CDH18: variants seen among roughly 807,000 people sequenced by gnomAD.
The protein encoded by CDH18 is cadherin 18.
In CDH18, 31 loss-of-function variants were observed where a neutral mutation model predicts 67.9. The observed-to-expected ratio is 0.46, with a 90% CI of 0.34 to 0.62. The LOEUF (loss-of-function observed/expected upper bound fraction) is 0.62, where lower values mean the gene tolerates loss of function less well. Ranked by LOEUF, CDH18 falls within the 20% of genes least tolerant of loss-of-function variation. The pLI, the probability that CDH18 is intolerant of heterozygous loss-of-function variation, is 0.01. For synonymous variants in CDH18, 362 were observed against 347.2 expected (o/e 1.04, Z -0.48); for missense variants, 890 against 975.5 (o/e 0.91, Z 1.17).
At chr5:19,976,679 G>T (rs1231133239) in intron 2 of CDH18, among the ~76,000 whole-genome samples, 1 of 151,942 alleles carries the variant, frequency 6.6e-6, no homozygotes, top group Non-Finnish European at 1.5e-5. Context: ...AGTGACAGAG[G>T]AAAGAAATAA....
At chr5:20,231,672 C>T (rs1742090601) in intron 2 of CDH18, among the ~76,000 whole-genome samples, 1 of 151,782 alleles carries the variant, frequency 6.6e-6, no homozygotes, top group Non-Finnish European at 1.5e-5. Context: ...TGGATAATAT[C>T]ATCGTTTTAC....
chr5:19,979,272 G>C (rs942567887), intron 2 of CDH18, among the ~76,000 whole-genome samples: 3 of 151,352 alleles, frequency 2.0e-5, no homozygotes, highest in African/African-American at 7.3e-5. Context: ...TCTTGGGATA[G>C]TTGTATGAAG....
At chr5:20,032,234 C>T (rs982563116) in intron 2 of CDH18, among the ~76,000 whole-genome samples, 1 of 150,152 alleles carries the variant, frequency 6.7e-6, no homozygotes, top group African/African-American at 2.4e-5. Flanking sequence ...CATATATGTG[C>T]ATGTATATAT....
At chr5:20,519,297 A>T (rs1207639000) in intron 1 of CDH18, among the ~76,000 whole-genome samples, 1 of 152,210 alleles carries the variant, frequency 6.6e-6, no homozygotes, top group African/African-American at 2.4e-5. Flanking sequence ...GCCATAAAAA[A>T]TGATGAGTTC....
At chr5:19,631,573 CA>C (rs149012621) in intron 5 of CDH18, among the ~76,000 whole-genome samples, 4 of 149,602 alleles carry the variant, frequency 2.7e-5, no homozygotes, top group Non-Finnish European at 6.0e-5. Context: ...CTATATTCCA[CA>C]AAAAAAAATA....
intron 1 of CDH18, among the ~76,000 whole-genome samples, chr5:20,484,416 T>A (rs1753031024): frequency 6.6e-6 from 1 of 152,036 alleles, no homozygotes; most frequent in Admixed American, 6.6e-5. Context: ...GATCCAGTAA[T>A]CTCATTGCTA....
At chr5:19,492,979 T>C (rs1224046355) in intron 11 of CDH18, among the ~76,000 whole-genome samples, 1 of 152,176 alleles carries the variant, frequency 6.6e-6, no homozygotes, top group African/African-American at 2.4e-5. Context: ...TAAAATGCCA[T>C]TGAGTCTCTT....
chr5:19,608,225 T>C (rs1219478173), intron 6 of CDH18, among the ~76,000 whole-genome samples: 1 of 151,706 alleles, frequency 6.6e-6, no homozygotes, highest in East Asian at 1.9e-4. Context: ...GGAACAGTTA[T>C]CAAAATCAAA....
chr5:20,037,450 A>G (rs1372346442), intron 2 of CDH18, among the ~76,000 whole-genome samples: 2 of 152,068 alleles, frequency 1.3e-5, no homozygotes, highest in Non-Finnish European at 2.9e-5. Context: ...TGACCACACA[A>G]TTGGAAGTAA....
intron 5 of CDH18, among the ~76,000 whole-genome samples, chr5:19,699,752 A>G (rs886157037): frequency 2.6e-5 from 4 of 152,024 alleles, no homozygotes; most frequent in Non-Finnish European, 4.4e-5. Flanking sequence ...CCTCATCACA[A>G]TAGTGCAATA....
At chr5:20,450,245 G>A (rs981927675) in intron 1 of CDH18, among the ~76,000 whole-genome samples, 3 of 152,130 alleles carry the variant, frequency 2.0e-5, no homozygotes, top group African/African-American at 7.2e-5. Context: ...TACTTGGGAG[G>A]CTGAAGCAGG....
rs375961380 is a variant in CDH18, at chr5:20,574,755, C to T, written c.-580+707G>A. Among the ~76,000 whole-genome samples, 5 of 152,130 alleles carry T rather than the reference C, an allele frequency of 3.3e-5. No individual in the cohort carries two copies. In the East Asian group the frequency reaches 7.7e-4, roughly 24 times the overall value. On this transcript the variant is annotated intron_variant, in intron 1 of 14. Transcript: ENST00000507958. ...CCCATATATTCACAGATGCTTAACCCGCACGTAGCATCACTGACATGCAAA... is the reference window on the plus strand; with the variant it reads ...CCCATATATTCACAGATGCTTAACCTGCACGTAGCATCACTGACATGCAAA...
chr5:20,080,633 A>G (rs1421200227), intron 2 of CDH18, among the ~76,000 whole-genome samples: 2 of 152,202 alleles, frequency 1.3e-5, no homozygotes, highest in Admixed American at 6.5e-5. Context: ...TTATCAGTAT[A>G]TTCAGTGTAT....
At chr5:20,389,278 G>C (rs1365386023) in intron 1 of CDH18, among the ~76,000 whole-genome samples, 1 of 152,118 alleles carries the variant, frequency 6.6e-6, no homozygotes, top group Non-Finnish European at 1.5e-5. Context: ...AGCTCTTCTT[G>C]TTGAATTGAT....
At chr5:20,329,764 C>A in intron 1 of CDH18, among the ~76,000 whole-genome samples, 1 of 62,900 alleles carries the variant, frequency 1.6e-5, no homozygotes, top group Admixed American at 2.2e-4. Context: ...GAGCGAAACT[C>A]CATCAAAAAA....
intron 2 of CDH18, among the ~76,000 whole-genome samples, chr5:19,960,561 A>ATGTG (rs146985982): frequency 0.038 from 4,618 of 121,468 alleles, 154 homozygotes; most frequent in Non-Finnish European, 0.043. Context: ...GTGTGTGTGT[A>ATGTG]TGTGTGTGTG....
chr5:20,466,966 C>G (rs532420272), intron 1 of CDH18, among the ~76,000 whole-genome samples: 20 of 152,012 alleles, frequency 1.3e-4, no homozygotes, highest in Admixed American at 5.2e-4. Context: ...GGCCTTGTTG[C>G]AGGAAAAGGA....
chr5:19,778,401 C>G (rs1774655704), intron 3 of CDH18, among the ~76,000 whole-genome samples: 1 of 152,096 alleles, frequency 6.6e-6, no homozygotes, highest in South Asian at 2.1e-4. Flanking sequence ...CAAGAAGAAA[C>G]AGAACTACCT....
At chr5:20,086,381 G>A (rs370426970) in intron 2 of CDH18, among the ~76,000 whole-genome samples, 11 of 152,218 alleles carry the variant, frequency 7.2e-5, no homozygotes, top group South Asian at 4.1e-4. Flanking sequence ...AAGCTACACC[G>A]ATTTATCTGG....
Sources: allele counts gnomAD v4.1 joint callset (sites outside exome capture counted in the v4.1 genomes callset), GRCh38; gene constraint gnomAD v4.1.1; transcripts MANE v1.5; gene names NCBI Gene and HGNC (gene_info 2026-07-23, HGNC 2026-07-21).